TCF12: variants seen among roughly 807,000 people sequenced by gnomAD.
TCF12 encodes transcription factor 12, also known as DNA-binding protein HTF4.
Under a neutral mutation model 86.0 loss-of-function variants are expected in TCF12, and 45 were observed. The observed-to-expected ratio is 0.52, with a 90% CI of 0.41 to 0.67. TCF12 has a LOEUF of 0.67. Among genes scored for constraint, TCF12 ranks in the 30% least tolerant of loss-of-function variants. TCF12 has a pLI of 0.00. For synonymous variants in TCF12, 330 were observed against 299.6 expected (o/e 1.10, Z -1.05); for missense variants, 881 against 859.9 (o/e 1.02, Z -0.31).
At chr15:57,212,969 G>A (rs867126726) in intron 8 of TCF12, among the ~76,000 whole-genome samples, 20 of 152,210 alleles carry the variant, frequency 1.3e-4, no homozygotes, top group Admixed American at 3.3e-4. Flanking sequence ...ATGATAGGGA[G>A]AATACTTCTG....
At chr15:56,919,188 C>G (rs2059644003) in intron 1 of TCF12, 1 of 151,746 alleles carries the variant, frequency 6.6e-6, no homozygotes, top group South Asian at 2.1e-4. Flanking sequence ...CGCGGGAGAT[C>G]GGGCGGCTTC....
intron 3 of TCF12, among the ~76,000 whole-genome samples, chr15:57,044,242 A>G (rs2067080300): frequency 6.6e-6 from 1 of 152,154 alleles, no homozygotes; most frequent in African/African-American, 2.4e-5. Flanking sequence ...AAGCTCTGCT[A>G]TTTGAGTTTT....
chr15:57,051,616 G>A (rs1034397037), intron 3 of TCF12, among the ~76,000 whole-genome samples: 4 of 151,996 alleles, frequency 2.6e-5, no homozygotes, highest in African/African-American at 7.2e-5. Context: ...GAGGCACCAC[G>A]CCCAGCCTAT....
At chr15:57,175,163 G>A (rs995366500) in intron 6 of TCF12, among the ~76,000 whole-genome samples, 16 of 152,130 alleles carry the variant, frequency 1.1e-4, no homozygotes, top group African/African-American at 3.9e-4. Context: ...GGGCAACTTA[G>A]CAAGATTCCC....
intron 8 of TCF12, among the ~76,000 whole-genome samples, chr15:57,220,054 T>C (rs1366520941): frequency 6.6e-6 from 1 of 152,154 alleles, no homozygotes; most frequent in Non-Finnish European, 1.5e-5. Flanking sequence ...AGAAGTAGTG[T>C]CAGTAAAGTC....
chr15:57,096,527 A>T (rs561974567), intron 5 of TCF12, among the ~76,000 whole-genome samples: 1 of 152,274 alleles, frequency 6.6e-6, no homozygotes, highest in East Asian at 1.9e-4. Flanking sequence ...TTATATATAT[A>T]TATAAAATGG....
At chr15:56,962,058 G>T (rs1340340165) in intron 3 of TCF12, among the ~76,000 whole-genome samples, 1 of 150,662 alleles carries the variant, frequency 6.6e-6, no homozygotes, top group Non-Finnish European at 1.5e-5. Context: ...GCGTGAACCC[G>T]GGAGGCGGAG....
chr15:57,134,231 C>G (rs1299877606), intron 5 of TCF12: 1 of 152,202 alleles, frequency 6.6e-6, no homozygotes, highest in Non-Finnish European at 1.5e-5. Context: ...CAGAGCACAT[C>G]ATCAACCACA....
chr15:57,281,459 A>T (rs2061683293), intron 19 of TCF12, among the ~76,000 whole-genome samples: 1 of 152,018 alleles, frequency 6.6e-6, no homozygotes, highest in Non-Finnish European at 1.5e-5. Flanking sequence ...GGGGTCCCCA[A>T]CCCCTGGGCC....
chr15:57,076,109 GC>G (rs2070009467), intron 4 of TCF12, among the ~76,000 whole-genome samples: 1 of 151,368 alleles, frequency 6.6e-6, no homozygotes, highest in Admixed American at 6.6e-5. Context: ...TCCTGCCTTG[GC>G]CTCCCAAAGT....
chr15:57,005,792 A>G (rs1044001901), intron 3 of TCF12, among the ~76,000 whole-genome samples: 6 of 151,824 alleles, frequency 4.0e-5, no homozygotes, highest in Admixed American at 2.6e-4. Flanking sequence ...CTGGTCTCGA[A>G]CTCCTGACCT....
intron 3 of TCF12, among the ~76,000 whole-genome samples, chr15:57,011,909 T>C (rs1056487756): frequency 6.6e-6 from 1 of 152,158 alleles, no homozygotes; most frequent in African/African-American, 2.4e-5. Flanking sequence ...TGAAAATGGA[T>C]TTGGATGTGT....
At chr15:57,229,748 T>C (rs2059046207) in intron 8 of TCF12, among the ~76,000 whole-genome samples, 1 of 151,914 alleles carries the variant, frequency 6.6e-6, no homozygotes, top group Non-Finnish European at 1.5e-5. Context: ...CAAGGCACTG[T>C]GCTAAACATT....
intron 4 of TCF12, among the ~76,000 whole-genome samples, chr15:57,074,321 T>G (rs1283970340): frequency 6.6e-6 from 1 of 150,712 alleles, no homozygotes; most frequent in Non-Finnish European, 1.5e-5. Flanking sequence ...ATTGTTCTTC[T>G]TTTTACATTC....
At chr15:57,012,566 T>C (rs940628561) in intron 3 of TCF12, among the ~76,000 whole-genome samples, 7 of 152,222 alleles carry the variant, frequency 4.6e-5, no homozygotes, top group Non-Finnish European at 7.3e-5. Context: ...AGGATATTCA[T>C]TGAGTACCCT....
intron 19 of TCF12, chr15:57,278,717 TCTCCCTCCC>T (rs2061524609): frequency 2.2e-5 from 1 of 44,518 alleles, no homozygotes; most frequent in Non-Finnish European, 3.9e-5. Flanking sequence ...CCTCCCTCCC[TCTCCCTCCC>T]TCCCCTCTCT....
intron 16 of TCF12, among the ~76,000 whole-genome samples, chr15:57,257,650 G>C (rs1338174577): frequency 1.9e-5 from 2 of 106,902 alleles, no homozygotes; most frequent in African/African-American, 7.5e-5. Context: ...AACAGAGTGA[G>C]ACCCTGTCTC....
intron 3 of TCF12, among the ~76,000 whole-genome samples, chr15:56,978,989 A>G (rs2062753903): frequency 6.6e-6 from 1 of 152,202 alleles, no homozygotes; most frequent in African/African-American, 2.4e-5. Context: ...ACCTCATTGG[A>G]CAGCACAACT....
At chr15:57,195,816 A>G (rs2057234534) in intron 7 of TCF12, among the ~76,000 whole-genome samples, 2 of 152,168 alleles carry the variant, frequency 1.3e-5, no homozygotes, top group South Asian at 4.1e-4. Context: ...CAGCCTGGGC[A>G]ACATAGTGAA....
Sources: gnomAD v4.1 joint callset for allele counts (sites outside exome capture counted in the v4.1 genomes callset) on GRCh38, gnomAD v4.1.1 for gene constraint, MANE v1.5 for transcripts, NCBI Gene and HGNC (gene_info 2026-07-23, HGNC 2026-07-21) for gene names.